TRIO: variants seen among roughly 807,000 people sequenced by gnomAD.
TRIO encodes the protein triple functional domain protein.
Under a neutral mutation model 351.9 loss-of-function variants are expected in TRIO, and 58 were observed. The ratio of observed to expected loss-of-function variants is 0.16; its 90% CI spans 0.13 to 0.21. TRIO has a LOEUF of 0.21. TRIO is among the 10% of genes least tolerant of loss of function. TRIO has a pLI of 1.00. For missense variants in TRIO, 3,201 were observed against 4,027.8 expected (o/e 0.79, Z 5.56); for synonymous variants, 1,758 against 1,595.7 (o/e 1.10, Z -2.42).
intron 1 of TRIO, among the ~76,000 whole-genome samples, chr5:14,267,909 G>A (rs1795777776): frequency 6.6e-6 from 1 of 152,036 alleles, no homozygotes; most frequent in African/African-American, 2.4e-5. Flanking sequence ...TTAATTGATG[G>A]TTTAAATAAA....
chr5:14,494,865 C>T (rs544418762), intron 49 of TRIO, among the ~76,000 whole-genome samples: 4 of 152,368 alleles, frequency 2.6e-5, no homozygotes, highest in Non-Finnish European at 5.9e-5. Context: ...TGCCACTGCA[C>T]TCCAGCCTGG....
intron 1 of TRIO, among the ~76,000 whole-genome samples, chr5:14,179,586 A>C (rs1581284967): frequency 6.6e-6 from 1 of 151,450 alleles, no homozygotes; most frequent in Non-Finnish European, 1.5e-5. Context: ...CCAGGCATGC[A>C]TCACGAAGCC....
chr5:14,460,206 G>A (rs1236854311), intron 34 of TRIO, among the ~76,000 whole-genome samples: 1 of 152,292 alleles, frequency 6.6e-6, no homozygotes, highest in African/African-American at 2.4e-5. Context: ...GTGAGCCACC[G>A]CGCCCGGCCC....
chr5:14,442,515 A>G (rs1395187101), intron 34 of TRIO, among the ~76,000 whole-genome samples: 1 of 152,186 alleles, frequency 6.6e-6, no homozygotes, highest in Non-Finnish European at 1.5e-5. Context: ...TGAATGTTGC[A>G]TGTGTGGTTC....
chr5:14,501,053 G>A (rs1213016144), intron 53 of TRIO, among the ~76,000 whole-genome samples: 1 of 147,028 alleles, frequency 6.8e-6, no homozygotes, highest in Non-Finnish European at 1.5e-5. Flanking sequence ...TGTAATGCTC[G>A]AATAAAAATG....
intron 47 of TRIO, among the ~76,000 whole-genome samples, chr5:14,485,775 C>T (rs1252318119): frequency 6.6e-6 from 1 of 152,126 alleles, no homozygotes; most frequent in Non-Finnish European, 1.5e-5. Context: ...CACCTGAGGT[C>T]AGGAGTTTGA....
intron 13 of TRIO, 56 bp from the exon 14 acceptor site, chr5:14,363,676 T>C: frequency 6.5e-7 from 1 of 1,528,644 alleles, no homozygotes. Flanking sequence ...TGGTACAGAG[T>C]GAGAGGTGGC....
At chr5:14,335,644 A>T (rs1741332113) in intron 10 of TRIO, among the ~76,000 whole-genome samples, 1 of 152,166 alleles carries the variant, frequency 6.6e-6, no homozygotes, top group African/African-American at 2.4e-5. Flanking sequence ...GCTACTTTAG[A>T]GCCATTATAG....
intron 1 of TRIO, among the ~76,000 whole-genome samples, chr5:14,150,388 C>G (rs994811387): frequency 6.6e-6 from 1 of 151,970 alleles, no homozygotes; most frequent in Non-Finnish European, 1.5e-5. Flanking sequence ...GTGGCAGTTA[C>G]ATGTGTTAAA....
At chr5:14,330,595 T>A (rs1389185670) in intron 9 of TRIO, among the ~76,000 whole-genome samples, 183 bp from the exon 10 acceptor site, 1 of 152,266 alleles carries the variant, frequency 6.6e-6, no homozygotes, top group Non-Finnish European at 1.5e-5. Flanking sequence ...GATGTAATTA[T>A]CAGCTTGTAA....
At chr5:14,326,088 A>C (rs1310196751) in intron 9 of TRIO, among the ~76,000 whole-genome samples, 2 of 152,068 alleles carry the variant, frequency 1.3e-5, no homozygotes, top group East Asian at 3.9e-4. Context: ...TCTAGTGCAC[A>C]CTCAGGCTTT....
Position 14,419,831 on chromosome 5 carries a change from C to G in TRIO, c.5013C>G (p.Asn1671Lys). 1 of 1,614,234 alleles carries G rather than the reference C, an allele frequency of 6.2e-7. No homozygotes were observed. Among genetic ancestry groups the G allele is most frequent in the Non-Finnish European group, 8.5e-7 (1 of 1,180,046 alleles). ...TGATCCATGACTTCACCGCTTGCAA[C>G]AGCAACGAGCTGACCATCCGACGGG... ...TVVIHDFTAC[N>K]SNELTIRRGQ... The change falls in exon 34 of 57, where the codon AAC (asparagine) becomes AAG (lysine). Residue 1671 changes from asparagine (N) to lysine (K), a missense_variant. By Grantham distance (94) the Asn-to-Lys change is moderately conservative. Coordinates refer to ENST00000344204, the MANE Select transcript of TRIO (RefSeq NM_007118.4).
At chr5:14,253,809 C>T (rs1410811291) in intron 1 of TRIO, among the ~76,000 whole-genome samples, 1 of 152,208 alleles carries the variant, frequency 6.6e-6, no homozygotes, top group Non-Finnish European at 1.5e-5. Flanking sequence ...ATTTCTCACT[C>T]TCATTCTCTC....
rs561274797 is a variant in TRIO at position 14,332,819 on chromosome 5, G to A, written c.1854+1919G>A. ...ACCTAACACCTACCTTCACCGAGTC[G>A]CTGTGATGAGAATACATGTAGAAAT... On this transcript the variant is annotated intron_variant, in intron 10 of 56. Coordinates refer to ENST00000344204, the MANE Select transcript of TRIO (RefSeq NM_007118.4). Among the ~76,000 whole-genome samples the A allele has an allele frequency of 5.9e-5, 9 of 152,240 alleles. No homozygotes were observed. The East Asian group carries it at 7.7e-4, about 13-fold the overall frequency.
chr5:14,254,530 C>T (rs993060157), intron 1 of TRIO, among the ~76,000 whole-genome samples: 3 of 152,138 alleles, frequency 2.0e-5, no homozygotes, highest in African/African-American at 7.2e-5. Context: ...TGTGAGGCGC[C>T]TGGAAAGGAA....
chr5:14,488,329 G>T, intron 48 of TRIO, 69 bp downstream of exon 48: 1 of 1,461,386 alleles, frequency 6.8e-7, no homozygotes, highest in East Asian at 2.7e-5. Context: ...AAACGCCACC[G>T]CGGCTGTTCT....
chr5:14,280,173 C>T, intron 2 of TRIO, 149 bp from the exon 3 acceptor site: 2 of 680,622 alleles, frequency 2.9e-6, no homozygotes, highest in Non-Finnish European at 5.1e-6. Flanking sequence ...ATGACATGTC[C>T]TCACTGTGCC....
chr5:14,275,832 T>C (rs965343948), intron 2 of TRIO, among the ~76,000 whole-genome samples: 1 of 147,536 alleles, frequency 6.8e-6, no homozygotes, highest in African/African-American at 2.5e-5. Flanking sequence ...AATATATATA[T>C]ACCAGAGTAA....
At chr5:14,218,073 G>A (rs775453883) in intron 1 of TRIO, among the ~76,000 whole-genome samples, 10 of 152,164 alleles carry the variant, frequency 6.6e-5, no homozygotes, top group Non-Finnish European at 1.2e-4. Flanking sequence ...GTTGGGGGGA[G>A]AGTCTCGTTT....
Sources: gnomAD v4.1 joint callset for allele counts (sites outside exome capture counted in the v4.1 genomes callset) on GRCh38, gnomAD v4.1.1 for gene constraint, MANE v1.5 for transcripts, NCBI Gene and HGNC (gene_info 2026-07-23, HGNC 2026-07-21) for gene names.